RIN2: variants seen among roughly 807,000 people sequenced by gnomAD.
RIN2 encodes Ras and Rab interactor 2.
RIN2 carries 36 observed loss-of-function variants against 78.0 expected under a neutral mutation model. The ratio of observed to expected loss-of-function variants is 0.46; its 90% CI spans 0.35 to 0.61. RIN2 has a LOEUF of 0.61. Among genes scored for constraint, RIN2 ranks in the 20% least tolerant of loss-of-function variants. The pLI, the probability that RIN2 is intolerant of heterozygous loss-of-function variation, is 0.00. For missense variants in RIN2, 1,087 were observed against 1,159.7 expected (o/e 0.94, Z 0.91); for synonymous variants, 466 against 466.8 (o/e 1.00, Z 0.02).
rs781677706 is a variant in RIN2, at chr20:19,996,748, C to T, written c.2270C>T (p.Ala757Val). The T allele has an allele frequency of 6.2e-6, 10 of 1,613,708 alleles. No homozygotes were observed. The highest frequency in any genetic ancestry group is 3.3e-5 in the Admixed American group (2 of 59,974). ...LIKNFQEEQA[A>V]RLLSSETRDT... ...AAGAATTTCCAAGAAGAACAAGCAG[C>T]GCGACTGCTCAGCTCAGAAACCAGA... The change falls in exon 12 of 13, where the codon GCG becomes GTG. Residue 757 changes from alanine (A) to valine (V), a missense_variant. Physicochemically the swap from Ala to Val is moderately conservative, Grantham distance 64. Around this residue, in one of 8 missense-constraint regions of RIN2, gnomAD observed 160 missense variants for 179.4 expected, o/e 0.89. Coordinates refer to ENST00000255006, the MANE Select transcript of RIN2 (RefSeq NM_018993.4).
intron 2 of RIN2, among the ~76,000 whole-genome samples, chr20:19,870,147 A>G (rs1230102788): frequency 2.0e-5 from 3 of 152,164 alleles, no homozygotes; most frequent in Non-Finnish European, 4.4e-5. Context: ...TCTGAAGAAC[A>G]TGGAGGTTCT....
At chr20:19,797,546 T>C (rs1359917214) in intron 1 of RIN2, among the ~76,000 whole-genome samples, 1 of 152,206 alleles carries the variant, frequency 6.6e-6, no homozygotes, top group Non-Finnish European at 1.5e-5. Context: ...TCACCCTGAA[T>C]ACAGTGGGGC....
chr20:19,869,036 C>G (rs1490195367), intron 2 of RIN2, among the ~76,000 whole-genome samples: 1 of 140,656 alleles, frequency 7.1e-6, no homozygotes, highest in African/African-American at 2.7e-5. Context: ...GAGCCGAGAT[C>G]ACGCCACTGC....
intron 10 of RIN2, among the ~76,000 whole-genome samples, chr20:19,990,629 T>C (rs73901363): frequency 6.6e-6 from 1 of 152,064 alleles, no homozygotes; most frequent in Non-Finnish European, 1.5e-5. Context: ...GAAAATTAAC[T>C]GAGGGACTTT....
chr20:19,904,773 T>C (rs2039146755), intron 3 of RIN2, among the ~76,000 whole-genome samples: 1 of 152,148 alleles, frequency 6.6e-6, no homozygotes, highest in Non-Finnish European at 1.5e-5. Context: ...GCCACCCTCA[T>C]AAAGCTCACC....
chr20:19,896,211 C>A (rs1462802762), intron 3 of RIN2, among the ~76,000 whole-genome samples: 1 of 151,794 alleles, frequency 6.6e-6, no homozygotes, highest in African/African-American at 2.4e-5. Context: ...TTTTTTGAGA[C>A]AAAGTCTTGC....
At chr20:19,802,035 A>G (rs2035258028) in intron 2 of RIN2, among the ~76,000 whole-genome samples, 1 of 152,226 alleles carries the variant, frequency 6.6e-6, no homozygotes, top group Non-Finnish European at 1.5e-5. Flanking sequence ...ATATTTCATT[A>G]GGTTATCCGA....
rs536638135 is a variant in RIN2, at chr20:19,778,841, C to A, written c.-163+20514C>A. Among the ~76,000 whole-genome samples the A allele has an allele frequency of 1.6e-4, 25 of 152,290 alleles. No homozygotes were observed. The South Asian group carries it at 2.7e-3, about 16-fold the overall frequency. ...GGCCCAGAGACACCACCTGAGTTGC[C>A]TTGCTAGTGCCTGGGACTGTATTCC... On this transcript the variant is annotated intron_variant, in intron 1 of 12. Transcript: ENST00000255006.
intron 3 of RIN2, among the ~76,000 whole-genome samples, chr20:19,915,386 C>G (rs1402623092): frequency 1.3e-5 from 2 of 152,142 alleles, no homozygotes; most frequent in Non-Finnish European, 2.9e-5. Context: ...GGTATTAACT[C>G]CCCAGCACTG....
At chr20:19,824,317 G>A (rs2036019953) in intron 2 of RIN2, among the ~76,000 whole-genome samples, 1 of 152,068 alleles carries the variant, frequency 6.6e-6, no homozygotes, top group African/African-American at 2.4e-5. Context: ...TGGGCTTAGG[G>A]GTTTATTTTA....
At chr20:19,861,527 C>A (rs982399100) in intron 2 of RIN2, among the ~76,000 whole-genome samples, 11 of 151,994 alleles carry the variant, frequency 7.2e-5, no homozygotes, top group African/African-American at 2.4e-4. Flanking sequence ...TATCTGATCA[C>A]CCTCCATATC....
chr20:19,866,863 G>A lies in RIN2; in HGVS notation c.-36-22703G>A, dbSNP rs190658393. On this transcript the variant is annotated intron_variant, in intron 2 of 12. Transcript: ENST00000255006. ...TGATCTCGATCTCCTGACCTCAAGCGATTCTCCCGCCTTGGCCTCCCAAAG... is the reference window on the plus strand; with the variant it reads ...TGATCTCGATCTCCTGACCTCAAGCAATTCTCCCGCCTTGGCCTCCCAAAG... 6.3e-3 allele frequency among the ~76,000 whole-genome samples: 966 copies of A among 152,158 alleles called. 9 individuals are homozygous for A. Among genetic ancestry groups the A allele is most frequent in the African/African-American group, 0.022 (920 of 41,520 alleles).
intron 2 of RIN2, among the ~76,000 whole-genome samples, chr20:19,884,223 C>G (rs1243239814): frequency 6.6e-6 from 1 of 151,836 alleles, no homozygotes; most frequent in Non-Finnish European, 1.5e-5. Flanking sequence ...TTGAGACCAG[C>G]CTGGGCAACA....
intron 12 of RIN2, among the ~76,000 whole-genome samples, chr20:19,998,963 C>T (rs1175155201): frequency 1.3e-5 from 2 of 152,204 alleles, no homozygotes; most frequent in Admixed American, 6.6e-5. Flanking sequence ...TGCAGCCGTC[C>T]CCTCCTGCCC....
chr20:19,795,780 C>T (rs2035035513), intron 1 of RIN2, among the ~76,000 whole-genome samples: 1 of 152,164 alleles, frequency 6.6e-6, no homozygotes, highest in African/African-American at 2.4e-5. Context: ...ACACCTACCC[C>T]ATGCATCATG....
chr20:19,840,776 C>T (rs1353178043), intron 2 of RIN2, among the ~76,000 whole-genome samples: 1 of 152,190 alleles, frequency 6.6e-6, no homozygotes, highest in Non-Finnish European at 1.5e-5. Flanking sequence ...GTTCCACAAG[C>T]TCCTTTCATG....
intron 4 of RIN2, among the ~76,000 whole-genome samples, chr20:19,940,476 C>T (rs1164783188): frequency 6.6e-6 from 1 of 152,220 alleles, no homozygotes; most frequent in Non-Finnish European, 1.5e-5. Flanking sequence ...TTGTGCCTCC[C>T]TGACCAGTTC....
chr20:19,821,112 C>T (rs952552698), intron 2 of RIN2, among the ~76,000 whole-genome samples: 5 of 152,120 alleles, frequency 3.3e-5, no homozygotes, highest in Non-Finnish European at 7.3e-5. Flanking sequence ...TGATCCTGCC[C>T]GCTTTAACTC....
At chr20:19,883,871 C>T (rs970554150) in intron 2 of RIN2, among the ~76,000 whole-genome samples, 4 of 131,224 alleles carry the variant, frequency 3.0e-5, no homozygotes, top group Non-Finnish European at 6.4e-5. Context: ...TTAACCACCG[C>T]ACCTCACACC....
Sources: gnomAD v4.1 joint callset for allele counts (sites outside exome capture counted in the v4.1 genomes callset) on GRCh38, gnomAD v4.1.1 for gene constraint, gnomAD v4.1.1 regional missense constraint, MANE v1.5 for transcripts, NCBI Gene and HGNC (gene_info 2026-07-23, HGNC 2026-07-21) for gene names.